VPS52: variants seen among roughly 807,000 people sequenced by gnomAD.
The protein encoded by VPS52 is VPS52 subunit of GARP complex, also known as vacuolar protein sorting-associated protein 52 homolog.
Under a neutral mutation model 98.7 loss-of-function variants are expected in VPS52, and 56 were observed. That is an observed-to-expected ratio of 0.57 (90% confidence interval 0.46 to 0.71). VPS52 has a LOEUF of 0.71. Among genes scored for constraint, VPS52 ranks in the 30% least tolerant of loss-of-function variants. VPS52 has a pLI of 0.00. For missense variants in VPS52, 742 were observed against 925.9 expected (o/e 0.80, Z 2.58); for synonymous variants, 348 against 346.4 (o/e 1.00, Z -0.05).
chr6:33,257,755 C>G (rs1353798708), intron 17 of VPS52, among the ~76,000 whole-genome samples: 1 of 152,168 alleles, frequency 6.6e-6, no homozygotes, highest in African/African-American at 2.4e-5. Flanking sequence ...TGGCTGTAAG[C>G]CCAGCACTTT....
intron 13 of VPS52, 35 bp downstream of exon 13, chr6:33,264,747 G>A: frequency 6.3e-7 from 1 of 1,581,296 alleles, no homozygotes; most frequent in Non-Finnish European, 8.7e-7. Flanking sequence ...GAGAGTTCGT[G>A]GCCTGTTGGG....
In VPS52 at chr6:33,269,574, C is replaced by T. The variant is rs182872995; in HGVS notation, c.305-17G>A. 301 of 1,604,134 alleles carry T rather than the reference C, an allele frequency of 1.9e-4. No homozygotes were observed. Among genetic ancestry groups the T allele is most frequent in the Admixed American group, 5.9e-4 (34 of 58,104 alleles). On this transcript the variant is annotated splice_polypyrimidine_tract_variant and intron_variant, in intron 4 of 19. Coordinates refer to ENST00000445902, the MANE Select transcript of VPS52 (RefSeq NM_022553.6). ...CTTGAATATCTGATCCACAAAAAGT[C>T]AAGGGGCCTCATGGTGAAGATGGGA...
intron 5 of VPS52, 77 bp from the exon 6 acceptor site, chr6:33,269,266 A>G: frequency 6.3e-7 from 1 of 1,577,166 alleles, no homozygotes; most frequent in Non-Finnish European, 8.6e-7. Flanking sequence ...CTCTTTGTGA[A>G]GTCTTCAGTA....
chr6:33,257,067 T>C (rs1763079100), intron 17 of VPS52, among the ~76,000 whole-genome samples: 1 of 152,188 alleles, frequency 6.6e-6, no homozygotes, highest in African/African-American at 2.4e-5. Context: ...TCTCACTCTG[T>C]TGCCCAGGCT....
rs942222946 is a variant in VPS52 at position 33,263,799 on chromosome 6, G to T, written c.1701C>A (p.Asn567Lys). ...TCAGCACACCCAGCATCATGTCATA[G>T]TTGTTGATCAGAAACACAAGCTGCT... ...RKEQLVFLIN[N>K]YDMMLGVLME... The change falls in exon 16 of 20, where the codon AAC (asparagine) becomes AAA (lysine). Residue 567 changes from asparagine (N) to lysine (K), a missense_variant. Around this residue, in one of 2 missense-constraint regions of VPS52, gnomAD observed 590 missense variants for 793.3 expected, o/e 0.74. Transcript: ENST00000445902. 29 of 1,614,224 alleles carry T rather than the reference G, an allele frequency of 1.8e-5. No individual in the cohort carries two copies. The highest frequency in any genetic ancestry group is 2.5e-5 in the Non-Finnish European group (29 of 1,180,050).
At chr6:33,256,614 A>C (rs1367896404) in intron 17 of VPS52, among the ~76,000 whole-genome samples, 18 of 151,650 alleles carry the variant, frequency 1.2e-4, no homozygotes, top group Admixed American at 1.2e-3. Flanking sequence ...ATCCTTAAAG[A>C]CTTTTTAAAA....
chr6:33,264,337 C>G (rs1764020613), intron 14 of VPS52, 37 bp downstream of exon 14: 1 of 1,610,412 alleles, frequency 6.2e-7, no homozygotes. Flanking sequence ...AGAGCCCTGC[C>G]TTTCAAGAAC....
chr6:33,269,385 G>A, intron 5 of VPS52, 105 bp downstream of exon 5: 1 of 1,493,654 alleles, frequency 6.7e-7, no homozygotes, highest in Non-Finnish European at 9.2e-7. Context: ...TCTTGAAAAT[G>A]ACCCTAACCT....
At chr6:33,260,274 G>T (rs984542988) in intron 17 of VPS52, among the ~76,000 whole-genome samples, 5 of 151,794 alleles carry the variant, frequency 3.3e-5, no homozygotes, top group Non-Finnish European at 7.4e-5. Flanking sequence ...CTGTAATCTC[G>T]AACTCCTGGA....
At chr6:33,266,505 G>A (rs1764323938) in intron 12 of VPS52, 52 bp downstream of exon 12, 3 of 1,514,770 alleles carry the variant, frequency 2.0e-6, no homozygotes, top group African/African-American at 1.4e-5. Context: ...CTATGCTGCT[G>A]ATGAAGACTG....
In VPS52 at chr6:33,271,569, C is replaced by G. The variant is rs1352726176; in HGVS notation, c.90+17G>C. The G allele has an allele frequency of 1.2e-5, 19 of 1,590,668 alleles. No homozygotes were observed. Among genetic ancestry groups the G allele is most frequent in the Non-Finnish European group, 1.6e-5 (19 of 1,168,284 alleles). On this transcript the variant is annotated intron_variant, in intron 1 of 19. Transcript: ENST00000445902. ...GAGCACCGGAACTACGGAGGAGAAA[C>G]AGCTCCGCGCTCTCACCAGCGGGCC...
chr6:33,251,835 C>T (rs991711055), intron 18 of VPS52, 25 bp downstream of exon 18: 1 of 1,609,138 alleles, frequency 6.2e-7, no homozygotes, highest in African/African-American at 1.3e-5. Context: ...CCACTGATCC[C>T]ATCATTACCA....
At chr6:33,257,188 C>T (rs954758087) in intron 17 of VPS52, among the ~76,000 whole-genome samples, 1 of 152,086 alleles carries the variant, frequency 6.6e-6, no homozygotes, top group Non-Finnish European at 1.5e-5. Context: ...TGCCACTATG[C>T]TTGGCTAATA....
Position 33,268,295 on chromosome 6 carries a change from A to G in VPS52, c.700-87T>C, listed in dbSNP as rs1562572955. On this transcript the variant is annotated intron_variant, in intron 7 of 19. Coordinates refer to ENST00000445902, the MANE Select transcript of VPS52 (RefSeq NM_022553.6). The surrounding 1 kb of genome is among the most constrained non-coding windows in gnomAD (Gnocchi z 4.0). Reference sequence around the variant, plus strand: ...CTGGGGGAAGCAACAAATGGTAAACATAGGCAGAAGGGTGGTGAATATCTC... The same window carrying G: ...CTGGGGGAAGCAACAAATGGTAAACGTAGGCAGAAGGGTGGTGAATATCTC... 7.0e-7 allele frequency: 1 copy of G among 1,431,438 alleles called. No individual in the cohort carries two copies. Among genetic ancestry groups the G allele is most frequent in the Non-Finnish European group, 9.8e-7 (1 of 1,021,474 alleles). 88.7% of individuals were successfully genotyped at this position (1,431,438 alleles called of 1,614,324 possible). A position where few individuals can be genotyped will look rare whatever the true frequency, so the allele number is the denominator to read the frequency against.
chr6:33,263,666 A>C, intron 16 of VPS52, 106 bp downstream of exon 16: 8 of 1,579,102 alleles, frequency 5.1e-6, no homozygotes, highest in Non-Finnish European at 7.0e-6. Context: ...CTCCAAGAGT[A>C]AAACACTGAA....
chr6:33,250,766 G>A lies in VPS52; in HGVS notation c.*75C>T. 1 of 1,550,066 alleles carries A rather than the reference G, an allele frequency of 6.5e-7. No individual in the cohort carries two copies. The highest frequency in any genetic ancestry group is 8.7e-7 in the Non-Finnish European group (1 of 1,145,832). On this transcript the variant is annotated 3_prime_UTR_variant, in exon 20 of 20. Transcript: ENST00000445902. Reference sequence around the variant, plus strand: ...GGGGAAAACTGGAAGGGGTACCCCAGGTGAAGAAGGGTATGGAATGGGGTG... The same window carrying A: ...GGGGAAAACTGGAAGGGGTACCCCAAGTGAAGAAGGGTATGGAATGGGGTG...
chr6:33,269,568 A>G lies in VPS52; in HGVS notation c.305-11T>C. ...CACTCTCTTGAATATCTGATCCACAAAAAGTCAAGGGGCCTCATGGTGAAG... is the reference window on the plus strand; with the variant it reads ...CACTCTCTTGAATATCTGATCCACAGAAAGTCAAGGGGCCTCATGGTGAAG... On this transcript the variant is annotated splice_polypyrimidine_tract_variant and intron_variant, in intron 4 of 19. Transcript: ENST00000445902. The G allele has an allele frequency of 1.2e-6, 2 of 1,606,312 alleles. No homozygotes were observed. The highest frequency in any genetic ancestry group is 1.7e-6 in the Non-Finnish European group (2 of 1,177,028).
At chr6:33,271,078 CTA>C in intron 1 of VPS52, 1 of 276,558 alleles carries the variant, frequency 3.6e-6, no homozygotes, top group South Asian at 5.9e-5. Flanking sequence ...CTTGGGTGTT[CTA>C]TCACACCTCT....
At chr6:33,266,372 A>G (rs986159354) in intron 12 of VPS52, among the ~76,000 whole-genome samples, 185 bp downstream of exon 12, 1 of 151,972 alleles carries the variant, frequency 6.6e-6, no homozygotes, top group Admixed American at 6.6e-5. Context: ...AGCTCAGGCA[A>G]TCCTACTGCC....
Sources: gnomAD v4.1 joint callset for allele counts (sites outside exome capture counted in the v4.1 genomes callset) on GRCh38, gnomAD v4.1.1 for gene constraint, gnomAD v4.1.1 regional missense constraint, Gnocchi (gnomAD v3.1) non-coding constraint, MANE v1.5 for transcripts, NCBI Gene and HGNC (gene_info 2026-07-23, HGNC 2026-07-21) for gene names.